The following DENND6A variants were observed in gnomAD, a reference collection of about 807,000 sequenced individuals.
DENND6A encodes DENN domain containing 6A, also known as protein DENND6A.
DENND6A carries 43 observed loss-of-function variants against 95.5 expected under a neutral mutation model. That is an observed-to-expected ratio of 0.45 (90% CI 0.35 to 0.58). The LOEUF (loss-of-function observed/expected upper bound fraction) is 0.58, where lower values mean the gene tolerates loss of function less well. Among genes scored for constraint, DENND6A ranks in the 20% least tolerant of loss-of-function variants. DENND6A has a pLI of 0.00. For synonymous variants in DENND6A, 257 were observed against 260.4 expected, an observed-to-expected ratio of 0.99 and a Z score of 0.13; for missense variants, 574 against 736.0, an observed-to-expected ratio of 0.78 and a Z score of 2.55.
Position 57,630,405 on chromosome 3 carries a change from C to T in DENND6A, c.1620+16G>A. On this transcript the variant is annotated intron_variant, in intron 18 of 19. Coordinates refer to ENST00000311128, the MANE Select transcript of DENND6A (RefSeq NM_152678.3). ...CAACAGTTGTTAATCATTACACAAA[C>T]ACACAGTTTTCGAACCTCTTCACAA... 6.4e-7 allele frequency: 1 copy of T among 1,566,600 alleles called. No homozygotes were observed. The highest frequency in any genetic ancestry group is 8.6e-7 in the Non-Finnish European group (1 of 1,164,956).
At chr3:57,637,828 T>C (rs60346107) in intron 12 of DENND6A, among the ~76,000 whole-genome samples, 110,963 of 148,046 alleles carry the variant, frequency 0.75, 43,561 homozygotes, top group East Asian at 1. Flanking sequence ...TAAATAAGAC[T>C]ATTAAATTAT....
At chr3:57,634,495 C>T (rs1056496014) in intron 14 of DENND6A, 63 bp downstream of exon 14, 9 of 923,752 alleles carry the variant, frequency 9.7e-6, no homozygotes, top group East Asian at 5.9e-5. Context: ...GGACATATTG[C>T]GTAACTGGAT....
chr3:57,646,171 C>T, intron 10 of DENND6A, 145 bp downstream of exon 10: 1 of 1,168,024 alleles, frequency 8.6e-7, no homozygotes, highest in Non-Finnish European at 1.2e-6. Context: ...ATAAGCATTA[C>T]CTTCTGATAG....
rs1436158698 is a variant in DENND6A at position 57,627,610 on chromosome 3, A to G, written c.*604T>C. 1 of 152,470 alleles carries G rather than the reference A, an allele frequency of 6.6e-6. No individual in the cohort carries two copies. The highest frequency in any genetic ancestry group is 1.5e-5 in the Non-Finnish European group (1 of 68,044). The allele number at this position is 152,470 out of a possible 1,614,324, so 9.4% of individuals were successfully genotyped here. A position where few individuals can be genotyped will look rare whatever the true frequency, so the allele number is the denominator to read the frequency against. On this transcript the variant is annotated 3_prime_UTR_variant, in exon 20 of 20. Coordinates refer to ENST00000311128, the MANE Select transcript of DENND6A (RefSeq NM_152678.3). ...AAAAACCCATCATGTCTATTAATAA[A>G]CACAATGGGTAGCAAGAAACTTTTT... is the stretch of plus-strand genomic sequence containing the variant.
At chr3:57,650,689 G>T (rs1438443437) in intron 9 of DENND6A, among the ~76,000 whole-genome samples, 1 of 151,892 alleles carries the variant, frequency 6.6e-6, no homozygotes, top group Non-Finnish European at 1.5e-5. Flanking sequence ...ACACAAATGT[G>T]GACAGTAGCA....
At chr3:57,650,646 G>A (rs534207352) in intron 9 of DENND6A, among the ~76,000 whole-genome samples, 6 of 152,154 alleles carry the variant, frequency 3.9e-5, no homozygotes, top group African/African-American at 1.4e-4. Context: ...TGGAACCCAA[G>A]AGAATGGAAA....
intron 4 of DENND6A, among the ~76,000 whole-genome samples, chr3:57,665,464 C>T (rs2071512083): frequency 1.3e-5 from 2 of 152,000 alleles, no homozygotes; most frequent in Non-Finnish European, 2.9e-5. Context: ...AAAGCCCTAA[C>T]AAATAACAGC....
intron 1 of DENND6A, among the ~76,000 whole-genome samples, chr3:57,677,109 C>T (rs976489421): frequency 6.6e-6 from 1 of 152,214 alleles, no homozygotes; most frequent in Non-Finnish European, 1.5e-5. Flanking sequence ...CAGGCATGAG[C>T]CACCGTGCCC....
intron 5 of DENND6A, among the ~76,000 whole-genome samples, chr3:57,663,119 C>A (rs1386356170): frequency 3.4e-5 from 5 of 145,972 alleles, no homozygotes; most frequent in African/African-American, 1.0e-4. Flanking sequence ...CCACTGAACT[C>A]CAGCCTGGGC....
intron 1 of DENND6A, among the ~76,000 whole-genome samples, chr3:57,680,569 G>T (rs1226835810): frequency 1.3e-5 from 2 of 152,208 alleles, no homozygotes; most frequent in Non-Finnish European, 2.9e-5. Flanking sequence ...CCAGAGCTAT[G>T]AGAAATAAAC....
intron 8 of DENND6A, among the ~76,000 whole-genome samples, 170 bp from the exon 9 acceptor site, chr3:57,657,905 T>C (rs566962125): frequency 2.2e-4 from 33 of 152,224 alleles, no homozygotes; most frequent in Non-Finnish European, 4.0e-4. Flanking sequence ...TTCCCTAATA[T>C]AGCAGAAAAT....
At chr3:57,681,088 A>C (rs1453242857) in intron 1 of DENND6A, among the ~76,000 whole-genome samples, 1 of 152,198 alleles carries the variant, frequency 6.6e-6, no homozygotes, top group Non-Finnish European at 1.5e-5. Context: ...CTCGTACACA[A>C]ATTTTCATAT....
At chr3:57,655,381 C>T (rs1216719975) in intron 9 of DENND6A, among the ~76,000 whole-genome samples, 6 of 152,156 alleles carry the variant, frequency 3.9e-5, no homozygotes, top group African/African-American at 1.4e-4. Context: ...ACTCTTAAAA[C>T]AATATTATGT....
chr3:57,653,968 G>A (rs1299859809), intron 9 of DENND6A, among the ~76,000 whole-genome samples: 1 of 68,476 alleles, frequency 1.5e-5, no homozygotes, highest in African/African-American at 7.5e-5. Flanking sequence ...TTTTTTTTGA[G>A]ATGGAGTCTC....
chr3:57,628,396 A>G, intron 19 of DENND6A, 51 bp from the exon 20 acceptor site: 1 of 1,581,324 alleles, frequency 6.3e-7, no homozygotes, highest in Non-Finnish European at 8.6e-7. Flanking sequence ...AATCTGTATT[A>G]ATACATTACA....
intron 11 of DENND6A, among the ~76,000 whole-genome samples, chr3:57,643,006 CA>C (rs35913249): frequency 3.5e-3 from 368 of 104,534 alleles, no homozygotes; most frequent in South Asian, 0.011. Context: ...GACTTCATCT[CA>C]AAAAAAAAAA....
chr3:57,657,663 A>G lies in DENND6A; in HGVS notation c.818+17T>C. 1 of 1,510,410 alleles carries G rather than the reference A, an allele frequency of 6.6e-7. No homozygotes were observed. The highest frequency in any genetic ancestry group is 9.1e-7 in the Non-Finnish European group (1 of 1,099,868). 93.6% of individuals were successfully genotyped at this position (1,510,410 alleles called of 1,614,324 possible). On this transcript the variant is annotated intron_variant, in intron 9 of 19. Coordinates refer to ENST00000311128, the MANE Select transcript of DENND6A (RefSeq NM_152678.3). Reference sequence around the variant, plus strand: ...AAAGCAAAAGGAAGTCAGTTAATAAAATTTTTTATTCTTTACCTGAAAATA... The same window carrying G: ...AAAGCAAAAGGAAGTCAGTTAATAAGATTTTTTATTCTTTACCTGAAAATA...
At chr3:57,636,412 A>T (rs1013803266) in intron 12 of DENND6A, among the ~76,000 whole-genome samples, 2 of 152,226 alleles carry the variant, frequency 1.3e-5, no homozygotes, top group Admixed American at 1.3e-4. Flanking sequence ...AATATTAAGT[A>T]AATGCAAGAT....
At chr3:57,645,777 G>A in intron 10 of DENND6A, 21 bp from the exon 11 acceptor site, 2 of 1,565,346 alleles carry the variant, frequency 1.3e-6, no homozygotes, top group South Asian at 1.1e-5. Context: ...GGAAGAACAT[G>A]TAAAATAAAG....
Sources: allele counts gnomAD v4.1 joint callset (sites outside exome capture counted in the v4.1 genomes callset), GRCh38; gene constraint gnomAD v4.1.1; transcripts MANE v1.5; gene names NCBI Gene and HGNC (gene_info 2026-07-23, HGNC 2026-07-21).